The following GALNT9 variants were observed in gnomAD, a reference collection of about 807,000 sequenced individuals.
The protein encoded by GALNT9 is polypeptide N-acetylgalactosaminyltransferase 9.
In GALNT9, 47 loss-of-function variants were observed where a neutral mutation model predicts 63.1. The observed-to-expected ratio is 0.75, with a 90% CI of 0.59 to 0.95. The LOEUF (loss-of-function observed/expected upper bound fraction) is 0.95. Among genes scored for constraint, GALNT9 ranks in the 40% least tolerant of loss-of-function variants. GALNT9 has a pLI of 0.00. For missense variants in GALNT9, 829 were observed against 874.8 expected, an observed-to-expected ratio of 0.95 and a Z score of 0.66; for synonymous variants, 396 against 365.7, an observed-to-expected ratio of 1.08 and a Z score of -0.94.
intron 1 of GALNT9, among the ~76,000 whole-genome samples, chr12:132,314,618 A>C (rs1555245580): frequency 6.6e-6 from 1 of 152,194 alleles, no homozygotes; most frequent in East Asian, 1.9e-4. Flanking sequence ...CCTTCAAAGC[A>C]ATCCCCTCTC....
At chr12:132,317,502 T>C (rs1555245807) in intron 1 of GALNT9, among the ~76,000 whole-genome samples, 1 of 152,202 alleles carries the variant, frequency 6.6e-6, no homozygotes, top group African/African-American at 2.4e-5. Flanking sequence ...AGACCTGCGG[T>C]TTTTATGAAT....
At chr12:132,308,183 G>A (rs930115243) in intron 1 of GALNT9, among the ~76,000 whole-genome samples, 3 of 152,228 alleles carry the variant, frequency 2.0e-5, no homozygotes, top group Non-Finnish European at 4.4e-5. Flanking sequence ...GGAGCTGGGA[G>A]GGAAGGACAG....
chr12:132,314,406 T>C (rs1404415195), intron 1 of GALNT9, among the ~76,000 whole-genome samples: 1 of 152,178 alleles, frequency 6.6e-6, no homozygotes, highest in Non-Finnish European at 1.5e-5. Flanking sequence ...AAGCGCTTCA[T>C]ATGCACCATC....
At chr12:132,235,538 C>T (rs1383660348) in intron 6 of GALNT9, among the ~76,000 whole-genome samples, 3 of 152,058 alleles carry the variant, frequency 2.0e-5, no homozygotes, top group Non-Finnish European at 4.4e-5. Flanking sequence ...CTTTCCAAAC[C>T]CCCTTGAAGT....
chr12:132,297,755 C>T (rs1207974374), intron 1 of GALNT9, among the ~76,000 whole-genome samples: 1 of 151,998 alleles, frequency 6.6e-6, no homozygotes, highest in Non-Finnish European at 1.5e-5. Context: ...TGAAAACCAA[C>T]TCCCTCCTGA....
intron 2 of GALNT9, among the ~76,000 whole-genome samples, chr12:132,269,303 C>T (rs28722568): frequency 0.012 from 1,888 of 152,320 alleles, 35 homozygotes; most frequent in South Asian, 0.098. Context: ...GTGATTTCCA[C>T]GCGTGGCGGG....
rs543271830 is a variant in GALNT9, at chr12:132,310,652, C to G, written c.238+18314G>C. On this transcript the variant is annotated intron_variant, in intron 1 of 10. Transcript: ENST00000328957. The surrounding 1 kb of genome is among the most constrained non-coding windows in gnomAD (Gnocchi z 4.8). ...AAGCTCCCAGCTTCTCTTTGAGTCACTGATTTCCATCTGTTACAGTGACTG... is the reference window on the plus strand; with the variant it reads ...AAGCTCCCAGCTTCTCTTTGAGTCAGTGATTTCCATCTGTTACAGTGACTG... Among the ~76,000 whole-genome samples, 30 of 152,306 alleles carry G rather than the reference C, an allele frequency of 2.0e-4. No homozygotes were observed. Among genetic ancestry groups the G allele is most frequent in the African/African-American group, 7.2e-4 (30 of 41,544 alleles).
At chr12:132,290,035 GA>G (rs1880747682) in intron 1 of GALNT9, among the ~76,000 whole-genome samples, 2 of 152,210 alleles carry the variant, frequency 1.3e-5, no homozygotes, top group South Asian at 4.1e-4. Context: ...GCTGCTGAGA[GA>G]AGCTGCTCGG....
chr12:132,315,077 C>A lies in GALNT9; in HGVS notation c.238+13889G>T, dbSNP rs1461096772. The stretch of plus-strand genomic sequence containing the variant: ...GATGAGGAAGCTGAGGAGCGGGAGA[C>A]TGGGCGGCCTGACGGAGGTGGCCCA... On this transcript the variant is annotated intron_variant, in intron 1 of 10. Coordinates refer to ENST00000328957, the MANE Select transcript of GALNT9 (RefSeq NM_001122636.2). The surrounding 1 kb of genome is among the most constrained non-coding windows in gnomAD (Gnocchi z 6.1). Among the ~76,000 whole-genome samples, 1 of 152,224 alleles carries A rather than the reference C, an allele frequency of 6.6e-6. No individual in the cohort carries two copies. Among genetic ancestry groups the A allele is most frequent in the African/African-American group, 2.4e-5 (1 of 41,470 alleles).
At chr12:132,302,799 G>T (rs1190738274) in intron 1 of GALNT9, among the ~76,000 whole-genome samples, 1 of 152,240 alleles carries the variant, frequency 6.6e-6, no homozygotes, top group African/African-American at 2.4e-5. Flanking sequence ...CAGGGCTGTG[G>T]CAGCAGAAAG....
chr12:132,196,799 C>G lies in GALNT9; in HGVS notation c.*308G>C. 3.5e-6 allele frequency: 4 copies of G among 1,153,240 alleles called. No individual in the cohort carries two copies. The South Asian group carries it at 7.1e-5, about 20-fold the overall frequency. 71.4% of individuals were successfully genotyped at this position (1,153,240 alleles called of 1,614,324 possible). On this transcript the variant is annotated 3_prime_UTR_variant, in exon 11 of 11. Transcript: ENST00000328957. The stretch of plus-strand genomic sequence containing the variant: ...GGGGCGTGGGGGGCTGTGGTACATG[C>G]AGAGGCGGCGGCTGTCCCAGCAGCC...
In GALNT9 at chr12:132,236,304, G is replaced by T. The variant is rs1202989658; in HGVS notation, c.1077+11606C>A. ...TGGGGGCCATGGCCCTGGAGTGGGG[G>T]TCGCGGTGGGCCTGGGTCGGGGCCA... On this transcript the variant is annotated intron_variant, in intron 6 of 10. Transcript: ENST00000328957. This position sits in a 1 kb window ranked among gnomAD's most constrained non-coding sequence, Gnocchi z 5.6. Among the ~76,000 whole-genome samples, 1 of 151,812 alleles carries T rather than the reference G, an allele frequency of 6.6e-6. No individual in the cohort carries two copies. The highest frequency in any genetic ancestry group is 1.5e-5 in the Non-Finnish European group (1 of 67,918).
At position 132,286,117 on chromosome 12, in the gene GALNT9, GTCACTTCCCTGGCGGGCGTGGGGGCCGC is replaced by G. The variant is rs1880576314; in HGVS notation, c.419+105_419+132del. ...ACTTCCCCGGCGGGCGTGGGGGGCG[GTCACTTCCCTGGCGGGCGTGGGGGCCGC>G]TCACTTCCCCGGCCGGCGTGGGGGG... On this transcript the variant is annotated intron_variant, in intron 2 of 10. Transcript: ENST00000328957. This position sits in a 1 kb window ranked among gnomAD's most constrained non-coding sequence, Gnocchi z 7.4. 9.3e-6 allele frequency: 11 copies of G among 1,186,948 alleles called. No individual in the cohort carries two copies. Among genetic ancestry groups the G allele is most frequent in the South Asian group, 3.4e-5 (2 of 58,808 alleles). The allele number at this position is 1,186,948 out of a possible 1,614,324, so 73.5% of individuals were successfully genotyped here.
chr12:132,197,745 G>A, intron 10 of GALNT9, 47 bp downstream of exon 10: 1 of 1,371,448 alleles, frequency 7.3e-7, no homozygotes, highest in Admixed American at 2.0e-5. Context: ...GGTCCCAGCA[G>A]CCCTGCCCCG....
In GALNT9 at chr12:132,303,555, A is replaced by G. The variant is rs111516103; in HGVS notation, c.239-17125T>C. ...CACAGCCTCACCCGGGCACACCCTC[A>G]CCCAGACACAGCCTCGCCCGGGCAC... On this transcript the variant is annotated intron_variant, in intron 1 of 10. Coordinates refer to ENST00000328957, the MANE Select transcript of GALNT9 (RefSeq NM_001122636.2). Among the ~76,000 whole-genome samples, 99 of 110,390 alleles carry G rather than the reference A, an allele frequency of 9.0e-4. 27 individuals are homozygous for G. The highest frequency in any genetic ancestry group is 4.0e-3 in the Admixed American group (38 of 9,396). 72.4% of individuals were successfully genotyped at this position (110,390 alleles called of 152,430 possible). A position where few individuals can be genotyped will look rare whatever the true frequency, so the allele number is the denominator to read the frequency against.
chr12:132,213,776 C>G (rs1020558368), intron 6 of GALNT9, among the ~76,000 whole-genome samples: 2 of 152,248 alleles, frequency 1.3e-5, no homozygotes, highest in Non-Finnish European at 2.9e-5. Context: ...CACCGGGGAC[C>G]TGAGGAGGCC....
chr12:132,221,844 G>A (rs979274809), intron 6 of GALNT9, among the ~76,000 whole-genome samples: 2 of 152,058 alleles, frequency 1.3e-5, no homozygotes, highest in African/African-American at 4.8e-5. Flanking sequence ...AATGCAACCC[G>A]CACTTGCTGG....
intron 7 of GALNT9, among the ~76,000 whole-genome samples, chr12:132,203,251 T>C (rs1593464699): frequency 6.6e-6 from 1 of 152,086 alleles, no homozygotes; most frequent in Non-Finnish European, 1.5e-5. Flanking sequence ...TGCTCTAGGC[T>C]GAGAGGAAAA....
chr12:132,263,205 C>A (rs1231500920), intron 2 of GALNT9, among the ~76,000 whole-genome samples: 2 of 152,206 alleles, frequency 1.3e-5, no homozygotes, highest in Non-Finnish European at 2.9e-5. Flanking sequence ...TGGTTCCAAG[C>A]CTCTGGTGAG....
Sources: gnomAD v4.1 joint callset for allele counts (sites outside exome capture counted in the v4.1 genomes callset) on GRCh38, gnomAD v4.1.1 for gene constraint, Gnocchi (gnomAD v3.1) non-coding constraint, MANE v1.5 for transcripts, NCBI Gene and HGNC (gene_info 2026-07-23, HGNC 2026-07-21) for gene names.